Variants in SPECC1 observed in about 807,000 individuals in gnomAD.
The protein encoded by SPECC1 is sperm antigen with calponin homology and coiled-coil domains 1.
In SPECC1, 62 loss-of-function variants were observed where a neutral mutation model predicts 104.1. The ratio of observed to expected loss-of-function variants is 0.60; its 90% confidence interval spans 0.49 to 0.74. SPECC1 has a LOEUF of 0.74. Ranked by LOEUF, SPECC1 falls within the 30% of genes least tolerant of loss-of-function variation. SPECC1 has a pLI of 0.00. For missense variants in SPECC1, 1,306 were observed against 1,310.5 expected (o/e 1.00, Z 0.05); for synonymous variants, 513 against 501.6 (o/e 1.02, Z -0.30).
At chr17:20,087,400 C>G (rs921893173) in intron 1 of SPECC1, among the ~76,000 whole-genome samples, 1 of 152,176 alleles carries the variant, frequency 6.6e-6, no homozygotes. Flanking sequence ...CCATGGGGCT[C>G]TCATCCTGAA....
intron 7 of SPECC1, among the ~76,000 whole-genome samples, chr17:20,243,294 C>T (rs1213783374): frequency 1.3e-5 from 2 of 152,106 alleles, no homozygotes; most frequent in African/African-American, 2.4e-5. Flanking sequence ...TAAGACATAC[C>T]TGGCTGTATA....
At chr17:20,072,560 T>G (rs1227028201) in intron 1 of SPECC1, among the ~76,000 whole-genome samples, 1 of 152,230 alleles carries the variant, frequency 6.6e-6, no homozygotes, top group Non-Finnish European at 1.5e-5. Flanking sequence ...GGCAGCAGCC[T>G]TGGCCAGGTG....
intron 11 of SPECC1, among the ~76,000 whole-genome samples, chr17:20,259,951 T>A (rs553953377): frequency 6.6e-6 from 1 of 152,320 alleles, no homozygotes; most frequent in African/African-American, 2.4e-5. Context: ...ACAAATGGAT[T>A]TGAAAACAAA....
rs528965481 is a variant in SPECC1 at position 20,268,675 on chromosome 17, C to G, written c.2940+8381C>G. Among the ~76,000 whole-genome samples, 57 of 152,332 alleles carry G rather than the reference C, an allele frequency of 3.7e-4. No homozygotes were observed. In the South Asian group the frequency reaches 0.012, roughly 31 times the overall value. On this transcript the variant is annotated intron_variant, in intron 12 of 14. Transcript: ENST00000395527. Reference sequence around the variant, plus strand: ...CACTTTCTCTGCTTCTGTACCGTTTCTGACACAGTGGTCTGTGAAGACATT... The same window carrying G: ...CACTTTCTCTGCTTCTGTACCGTTTGTGACACAGTGGTCTGTGAAGACATT...
chr17:20,245,865 T>C (rs1027871672), intron 7 of SPECC1, 61 bp from the exon 8 acceptor site: 1 of 1,587,862 alleles, frequency 6.3e-7, no homozygotes, highest in African/African-American at 1.3e-5. Flanking sequence ...TTCCTCTGTG[T>C]CTTTTTCTCC....
intron 1 of SPECC1, among the ~76,000 whole-genome samples, chr17:20,028,920 G>C (rs1567801451): frequency 6.6e-6 from 1 of 152,034 alleles, no homozygotes. Context: ...GTGCCACCAC[G>C]CCTGACTAAT....
At chr17:20,166,975 G>C (rs2033702686) in intron 3 of SPECC1, among the ~76,000 whole-genome samples, 1 of 151,878 alleles carries the variant, frequency 6.6e-6, no homozygotes, top group African/African-American at 2.4e-5. Context: ...AGCTGGGCAT[G>C]GTGGCACTGC....
chr17:20,127,437 CTTTTTTT>C (rs369424296), intron 3 of SPECC1, among the ~76,000 whole-genome samples: 4 of 104,488 alleles, frequency 3.8e-5, no homozygotes, highest in Non-Finnish European at 7.6e-5. Context: ...ATCAGGTCAT[CTTTTTTT>C]TTTTTTTTTT....
chr17:20,113,703 T>TA (rs1003994637), intron 3 of SPECC1, among the ~76,000 whole-genome samples: 54 of 152,210 alleles, frequency 3.5e-4, no homozygotes, highest in Admixed American at 2.2e-3. Context: ...AGGAAGAACT[T>TA]ACCTATCACT....
intron 1 of SPECC1, among the ~76,000 whole-genome samples, chr17:20,079,799 T>C (rs571999857): frequency 6.6e-6 from 1 of 152,078 alleles, no homozygotes; most frequent in African/African-American, 2.4e-5. Flanking sequence ...ATCACTGTGA[T>C]GGTGGCTGCG....
At chr17:20,187,568 G>C (rs1480244041) in intron 3 of SPECC1, among the ~76,000 whole-genome samples, 1 of 152,202 alleles carries the variant, frequency 6.6e-6, no homozygotes, top group East Asian at 1.9e-4. Flanking sequence ...AGAAGATGGA[G>C]AGAAATTGAC....
rs74862983 is a variant in SPECC1, at chr17:20,208,797, T to C, written c.1863+2885T>C. 9.6e-3 allele frequency among the ~76,000 whole-genome samples: 1,463 copies of C among 152,214 alleles called. 29 individuals carry two copies. Among genetic ancestry groups the C allele is most frequent in the East Asian group, 0.085 (439 of 5,178 alleles). ...TTATGCAAGTATTTGCTAAGAGGTG[T>C]TTTGTTTGGTGGTTTATTTTTAGAG... On this transcript the variant is annotated intron_variant, in intron 4 of 14. Coordinates refer to ENST00000395527, the MANE Select transcript of SPECC1 (RefSeq NM_001243439.2).
chr17:20,244,100 C>A (rs1271994596), intron 7 of SPECC1, among the ~76,000 whole-genome samples: 1 of 152,068 alleles, frequency 6.6e-6, no homozygotes, highest in Non-Finnish European at 1.5e-5. Flanking sequence ...TGGTGCTTGC[C>A]TGTAGTCCCA....
intron 1 of SPECC1, among the ~76,000 whole-genome samples, chr17:20,053,291 C>T (rs529556786): frequency 6.6e-6 from 1 of 152,184 alleles, no homozygotes; most frequent in Non-Finnish European, 1.5e-5. Flanking sequence ...TTCCTCTATT[C>T]TTGCTAAAGT....
At chr17:20,150,477 T>TA (rs1306791129) in intron 3 of SPECC1, among the ~76,000 whole-genome samples, 2 of 151,622 alleles carry the variant, frequency 1.3e-5, no homozygotes, top group Admixed American at 1.3e-4. Flanking sequence ...CCGTCTCTAC[T>TA]AAAAATACTA....
At chr17:20,156,768 A>G (rs1016328940) in intron 3 of SPECC1, among the ~76,000 whole-genome samples, 1 of 152,106 alleles carries the variant, frequency 6.6e-6, no homozygotes, top group African/African-American at 2.4e-5. Context: ...CTCAGTCCTG[A>G]GTGAGCTTCG....
At chr17:20,284,753 C>G (rs1182823120) in intron 12 of SPECC1, among the ~76,000 whole-genome samples, 1 of 152,194 alleles carries the variant, frequency 6.6e-6, no homozygotes, top group African/African-American at 2.4e-5. Context: ...CAATCTGATT[C>G]CACAGCTGTG....
intron 1 of SPECC1, among the ~76,000 whole-genome samples, chr17:20,089,261 A>G (rs1187431407): frequency 1.3e-5 from 2 of 152,146 alleles, no homozygotes; most frequent in Non-Finnish European, 2.9e-5. Context: ...AGAAACATGA[A>G]AGAAGACGAA....
At chr17:20,197,376 C>T (rs1338324311) in intron 3 of SPECC1, among the ~76,000 whole-genome samples, 1 of 152,044 alleles carries the variant, frequency 6.6e-6, no homozygotes, top group Non-Finnish European at 1.5e-5. Flanking sequence ...TAAGACAGTC[C>T]ATGGAGGAGA....
Sources: gnomAD v4.1 joint callset for allele counts (sites outside exome capture counted in the v4.1 genomes callset) on GRCh38, gnomAD v4.1.1 for gene constraint, MANE v1.5 for transcripts, NCBI Gene and HGNC (gene_info 2026-07-23, HGNC 2026-07-21) for gene names.